The following ADRA1D variants were observed in gnomAD, a reference collection of about 807,000 sequenced individuals.
ADRA1D encodes alpha-1D adrenergic receptor.
Under a neutral mutation model 18.6 loss-of-function variants are expected in ADRA1D, and 22 were observed. The ratio of observed to expected loss-of-function variants is 1.19; its 90% CI spans 0.85 to 1.69. ADRA1D has a LOEUF of 1.69. Among genes scored for constraint, ADRA1D ranks in the 40% most tolerant of loss-of-function variants. The probability of loss-of-function intolerance (pLI) is 0.00; values close to 1 mark genes in which losing one functional copy is unlikely to be tolerated. For synonymous variants in ADRA1D, 376 were observed against 388.2 expected (o/e 0.97, Z 0.37); for missense variants, 840 against 840.7 (o/e 1.00, Z 0.01).
intron 1 of ADRA1D, among the ~76,000 whole-genome samples, chr20:4,238,837 C>T (rs149976334): frequency 6.6e-5 from 10 of 152,068 alleles, no homozygotes; most frequent in Admixed American, 5.9e-4. Context: ...CTGGGGCTCA[C>T]AGAAATAGGA....
intron 1 of ADRA1D, among the ~76,000 whole-genome samples, chr20:4,227,304 G>A (rs1237523397): frequency 6.6e-6 from 1 of 152,196 alleles, no homozygotes; most frequent in Non-Finnish European, 1.5e-5. Context: ...GCTAGCTCCA[G>A]TGGCATCTCC....
chr20:4,221,597 C>T lies in ADRA1D; in HGVS notation c.1645G>A (p.Glu549Lys). Residue 549 changes from glutamate (E) to lysine (K), a missense_variant, in exon 2 of 2, where the codon GAG (glutamate) becomes AAG (lysine). Physicochemically the swap from Glu to Lys is moderately conservative, Grantham distance 56 (BLOSUM62 1). Transcript: ENST00000379453. ...VEAVSLGVPHEVAEGATCQAY... is the reference protein window; with the variant it reads ...VEAVSLGVPHKVAEGATCQAY... Reference sequence around the variant, plus strand: ...TGGCAGGTGGCGCCCTCGGCCACCTCGTGTGGGACGCCTAGGGACACAGCC... The same window carrying T: ...TGGCAGGTGGCGCCCTCGGCCACCTTGTGTGGGACGCCTAGGGACACAGCC... 1.2e-6 allele frequency: 2 copies of T among 1,613,336 alleles called. No homozygotes were observed. Among genetic ancestry groups the T allele is most frequent in the Non-Finnish European group, 1.7e-6 (2 of 1,179,628 alleles).
chr20:4,242,310 C>A (rs1981232130), intron 1 of ADRA1D, among the ~76,000 whole-genome samples: 1 of 152,196 alleles, frequency 6.6e-6, no homozygotes, highest in Admixed American at 6.5e-5. Context: ...CATTCTCCTG[C>A]AGATGGCATC....
rs1012225124 is a variant in ADRA1D, at chr20:4,248,261, G to A, written c.697C>T (p.Leu233=). The A allele has an allele frequency of 6.8e-6, 11 of 1,608,382 alleles. No homozygotes were observed. In the African/African-American group the frequency reaches 1.3e-4, roughly 20 times the overall value. ...VALVVSVGPL[L]GWKEPVPPDE... is the part of the protein sequence containing the mutation. ...GGGGGCACGGGCTCCTTCCAGCCCA[G>A]CAGGGGCCCTACGGACACCACCAGG... is the stretch of plus-strand genomic sequence containing the variant. Residue 233 remains leucine, a synonymous_variant, in exon 1 of 2, where the codon CTG becomes TTG. Transcript: ENST00000379453.
rs1980664080 is a variant in ADRA1D at position 4,221,608 on chromosome 20, C to T, written c.1634G>A (p.Gly545Asp). Residue 545 changes from glycine (G) to aspartate (D), a missense_variant, in exon 2 of 2, where the codon GGC becomes GAC. By Grantham distance (94) the Gly-to-Asp change is moderately conservative (BLOSUM62 -1). Coordinates refer to ENST00000379453, the MANE Select transcript of ADRA1D (RefSeq NM_000678.4). Reference protein sequence around the residue: ...QRSEVEAVSLGVPHEVAEGAT... With the variant: ...QRSEVEAVSLDVPHEVAEGAT... ...GCCCTCGGCCACCTCGTGTGGGACG[C>T]CTAGGGACACAGCCTCCACCTCTGA... 1.2e-6 allele frequency: 2 copies of T among 1,613,468 alleles called. No homozygotes were observed. The highest frequency in any genetic ancestry group is 1.3e-5 in the African/African-American group (1 of 74,946).
In ADRA1D at chr20:4,248,830, AC is replaced by A; in HGVS notation, c.127del (p.Val43TrpfsTer39). The A allele has an allele frequency of 1.0e-6, 1 of 1,001,394 alleles. No individual in the cohort carries two copies. The highest frequency in any genetic ancestry group is 1.2e-6 in the Non-Finnish European group (1 of 839,546). The allele number at this position is 1,001,394 out of a possible 1,614,324, so 62.0% of individuals were successfully genotyped here. A position where few individuals can be genotyped will look rare whatever the true frequency, so the allele number is the denominator to read the frequency against. ...GGAAPSEGPAVGGVPGGAGGG... is the reference protein window; with the variant it reads ...GGAAPSEGPAXGGVPGGAGGG... ...GCCCGCGCCCCCCGGCACGCCGCCC[AC>A]CGCCGGGCCCTCCGAGGGGGCCGCG... On this transcript the variant is annotated frameshift_variant, in exon 1 of 2. Transcript: ENST00000379453. LOFTEE classifies it high-confidence loss of function.
chr20:4,231,841 C>T (rs978836532), intron 1 of ADRA1D, among the ~76,000 whole-genome samples: 2 of 152,212 alleles, frequency 1.3e-5, no homozygotes, highest in Non-Finnish European at 1.5e-5. Flanking sequence ...TCAGGAGGCA[C>T]AGCCACTCCC....
chr20:4,226,764 A>T (rs909696019), intron 1 of ADRA1D, among the ~76,000 whole-genome samples: 1 of 152,212 alleles, frequency 6.6e-6, no homozygotes, highest in Non-Finnish European at 1.5e-5. Context: ...ACTTTGTTTT[A>T]TGTGTTCTCT....
intron 1 of ADRA1D, among the ~76,000 whole-genome samples, chr20:4,224,981 G>A (rs1447121380): frequency 6.7e-6 from 1 of 148,848 alleles, no homozygotes; most frequent in Non-Finnish European, 1.5e-5. Flanking sequence ...AGCAGGTTAT[G>A]TGGCCATCTA....
intron 1 of ADRA1D, among the ~76,000 whole-genome samples, chr20:4,236,800 C>T (rs1371346943): frequency 1.3e-5 from 2 of 152,148 alleles, no homozygotes; most frequent in African/African-American, 4.8e-5. Context: ...GGCAGTCGGA[C>T]CATTCTGCGG....
rs1980653498 is a variant in ADRA1D at position 4,221,301 on chromosome 20, A to C, written c.*222T>G. The stretch of plus-strand genomic sequence containing the variant: ...CCCGCAGCCTCTCCCTTCTAAGAAA[A>C]GAGTTCTGGGCACCTGAGTCCAGCA... On this transcript the variant is annotated 3_prime_UTR_variant, in exon 2 of 2. Coordinates refer to ENST00000379453, the MANE Select transcript of ADRA1D (RefSeq NM_000678.4). 4.3e-6 allele frequency: 2 copies of C among 467,344 alleles called. No homozygotes were observed. Among genetic ancestry groups the C allele is most frequent in the African/African-American group, 4.0e-5 (2 of 49,450 alleles). The allele number at this position is 467,344 out of a possible 1,614,324, so 28.9% of individuals were successfully genotyped here. A position where few individuals can be genotyped will look rare whatever the true frequency, so the allele number is the denominator to read the frequency against.
At chr20:4,247,565 C>G (rs923695471) in intron 1 of ADRA1D, among the ~76,000 whole-genome samples, 1 of 152,150 alleles carries the variant, frequency 6.6e-6, no homozygotes, top group Admixed American at 6.5e-5. Context: ...TTTTCACAGA[C>G]GTTTTATTTT....
At chr20:4,237,274 C>G (rs59669791) in intron 1 of ADRA1D, among the ~76,000 whole-genome samples, 1 of 151,978 alleles carries the variant, frequency 6.6e-6, no homozygotes, top group Non-Finnish European at 1.5e-5. Flanking sequence ...TAGATGTGGT[C>G]TCAGCTACTG....
chr20:4,248,859 G>A lies in ADRA1D; in HGVS notation c.99C>T (p.Gly33=). ...CCGGGCCCTCCGAGGGGGCCGCGCC[G>A]CCCGCGCTGCCCCCGCCGCCGCCCG... ...SSAGGGGGSA[G]GAAPSEGPAV... The change falls in exon 1 of 2, where the codon GGC becomes GGT. Residue 33 remains glycine, a synonymous_variant. Coordinates refer to ENST00000379453, the MANE Select transcript of ADRA1D (RefSeq NM_000678.4). 5 of 1,035,668 alleles carry A rather than the reference G, an allele frequency of 4.8e-6. No individual in the cohort carries two copies. The highest frequency in any genetic ancestry group is 5.8e-6 in the Non-Finnish European group (5 of 859,754). The allele number at this position is 1,035,668 out of a possible 1,614,324, so 64.2% of individuals were successfully genotyped here.
intron 1 of ADRA1D, among the ~76,000 whole-genome samples, chr20:4,232,074 G>A (rs372049037): frequency 2.6e-5 from 4 of 152,020 alleles, no homozygotes; most frequent in Non-Finnish European, 5.9e-5. Flanking sequence ...AACCACGCCT[G>A]GCTAATTTTC....
chr20:4,225,033 G>A (rs915922696), intron 1 of ADRA1D, among the ~76,000 whole-genome samples: 21 of 133,222 alleles, frequency 1.6e-4, no homozygotes, highest in African/African-American at 3.6e-4. Context: ...ATGGAGTCTC[G>A]CTCTGTCACC....
In ADRA1D at chr20:4,227,714, CCTTCCTTCCTT is replaced by C. The variant is rs1170653669; in HGVS notation, c.1112-5595_1112-5585del. Among the ~76,000 whole-genome samples, 5 of 35,268 alleles carry C rather than the reference CCTTCCTTCCTT, an allele frequency of 1.4e-4. No homozygotes were observed. The South Asian group carries it at 6.3e-3, about 45-fold the overall frequency. The allele number at this position is 35,268 out of a possible 152,430, so 23.1% of individuals were successfully genotyped here. A position where few individuals can be genotyped will look rare whatever the true frequency, so the allele number is the denominator to read the frequency against. ...TCCCTCCCTCCCTCCCTCCTTCCTT[CCTTCCTTCCTT>C]CCTTCCTTCCTTCCTTCCTTCCTTC... On this transcript the variant is annotated intron_variant, in intron 1 of 1. Transcript: ENST00000379453.
At chr20:4,243,349 G>C (rs988749365) in intron 1 of ADRA1D, among the ~76,000 whole-genome samples, 7 of 152,088 alleles carry the variant, frequency 4.6e-5, no homozygotes, top group Middle Eastern at 3.2e-3. Flanking sequence ...GGCTCCTCGG[G>C]GCATCCGGCT....
At chr20:4,238,645 C>T (rs898402946) in intron 1 of ADRA1D, among the ~76,000 whole-genome samples, 24 of 152,358 alleles carry the variant, frequency 1.6e-4, no homozygotes, top group African/African-American at 3.8e-4. Context: ...GACTTTTCTA[C>T]AGCAAGTGCT....
Sources: gnomAD v4.1 joint callset for allele counts (sites outside exome capture counted in the v4.1 genomes callset) on GRCh38, gnomAD v4.1.1 for gene constraint, MANE v1.5 for transcripts, NCBI Gene and HGNC (gene_info 2026-07-23, HGNC 2026-07-21) for gene names.